BRPF1: variants seen among roughly 807,000 people sequenced by gnomAD.
The protein encoded by BRPF1 is bromodomain and PHD finger containing 1.
Under a neutral mutation model 115.0 loss-of-function variants are expected in BRPF1, and 15 were observed. That is an observed-to-expected ratio of 0.13 (90% CI 0.09 to 0.20). The LOEUF is 0.20. BRPF1 is among the 10% of genes least tolerant of loss of function. The pLI, the probability that BRPF1 is intolerant of heterozygous loss-of-function variation, is 1.00. For missense variants in BRPF1, 1,118 were observed against 1,638.3 expected (o/e 0.68, Z 5.48); for synonymous variants, 647 against 619.8 (o/e 1.04, Z -0.65).
At chr3:9,735,915 G>T (rs1477411467) in intron 2 of BRPF1, among the ~76,000 whole-genome samples, 1 of 152,022 alleles carries the variant, frequency 6.6e-6, no homozygotes, top group East Asian at 1.9e-4. Context: ...TACTTAGAAG[G>T]CCTGGTCTCT....
At position 9,734,288 on chromosome 3, in the gene BRPF1, C is replaced by T. The variant is rs1180783979; in HGVS notation, c.148C>T (p.Pro50Ser). The T allele has an allele frequency of 6.2e-7, 1 of 1,613,938 alleles. No homozygotes were observed. Among genetic ancestry groups the T allele is most frequent in the African/African-American group, 1.3e-5 (1 of 74,890 alleles). Residue 50 changes from proline (P) to serine (S), a missense_variant, in exon 2 of 14, where the codon CCA becomes TCA. By Grantham distance (74) the Pro-to-Ser change is moderately conservative. Around this residue, in one of 10 missense-constraint regions of BRPF1, gnomAD observed 280 missense variants for 382.8 expected, o/e 0.73. Coordinates refer to ENST00000383829, the MANE Select transcript of BRPF1 (RefSeq NM_001003694.2). This position sits in a 1 kb window ranked among gnomAD's most constrained non-coding sequence, Gnocchi z 5.7. ...CCTGTACCACTATGACCACGACAAC[C>T]CACCACCCCCACAACAAACTCCACT... Reference protein sequence around the residue: ...YHLYHYDHDNPPPPQQTPLRK... With the variant: ...YHLYHYDHDNSPPPQQTPLRK...
rs2077103884 is a variant in BRPF1, at chr3:9,745,284, G to T, written c.3068+129G>T. On this transcript the variant is annotated intron_variant, in intron 10 of 13. Transcript: ENST00000383829. The surrounding 1 kb of genome is among the most constrained non-coding windows in gnomAD (Gnocchi z 5.1). ...CTAGATTAAGATGGCTCAAACTCAAGGTTCTCTGCTAAATAAATAAATCAG... is the reference window on the plus strand; with the variant it reads ...CTAGATTAAGATGGCTCAAACTCAATGTTCTCTGCTAAATAAATAAATCAG... 1 of 1,151,940 alleles carries T rather than the reference G, an allele frequency of 8.7e-7. No individual in the cohort carries two copies. Among genetic ancestry groups the T allele is most frequent in the Non-Finnish European group, 1.2e-6 (1 of 829,730 alleles). The allele number at this position is 1,151,940 out of a possible 1,614,324, so 71.4% of individuals were successfully genotyped here.
Position 9,739,575 on chromosome 3 carries a change from G to A in BRPF1, c.1176G>A (p.Arg392=), listed in dbSNP as rs760603448. ...TCACCTGCTACATTTGCAAACAACG[G>A]GGCTCAGGGGCCTGCATCCAGTGCC... is the stretch of plus-strand genomic sequence containing the variant. ...WKLTCYICKQ[R]GSGACIQCHK... The change falls in exon 3 of 14, where the codon CGG becomes CGA. Residue 392 remains arginine, a synonymous_variant. Transcript: ENST00000383829. 2.5e-6 allele frequency: 4 copies of A among 1,612,462 alleles called. No individual in the cohort carries two copies. In the South Asian group the frequency reaches 3.3e-5, roughly 13 times the overall value.
At position 9,745,875 on chromosome 3, in the gene BRPF1, A is replaced by G. The variant is rs1455420044; in HGVS notation, c.3269A>G (p.Asp1090Gly). Residue 1090 changes from aspartate (D) to glycine (G), a missense_variant, in exon 12 of 14, where the codon GAT becomes GGT. Asp to Gly is a moderately conservative substitution (Grantham distance 94). Coordinates refer to ENST00000383829, the MANE Select transcript of BRPF1 (RefSeq NM_001003694.2). The surrounding 1 kb of genome is among the most constrained non-coding windows in gnomAD (Gnocchi z 5.1). ...WLSEDEDSPL[D>G]ALDLVWAKCR... ...TCAGAGGATGAGGACTCCCCGCTGGATGCTCTGGACCTCGTGTGGGCCAAA... is the reference window on the plus strand; with the variant it reads ...TCAGAGGATGAGGACTCCCCGCTGGGTGCTCTGGACCTCGTGTGGGCCAAA... 6.2e-7 allele frequency: 1 copy of G among 1,614,164 alleles called. No individual in the cohort carries two copies. Among genetic ancestry groups the G allele is most frequent in the South Asian group, 1.1e-5 (1 of 91,080 alleles).
At position 9,745,861 on chromosome 3, in the gene BRPF1, G is replaced by A; in HGVS notation, c.3255G>A (p.Glu1085=). ...GAGCTGGCTGGCTGTCAGAGGATGA[G>A]GACTCCCCGCTGGATGCTCTGGACC... The part of the protein sequence containing the change: ...GRGAGWLSED[E]DSPLDALDLV... The change falls in exon 12 of 14, where the codon GAG becomes GAA. Residue 1085 remains glutamate, a synonymous_variant. Transcript: ENST00000383829. The surrounding 1 kb of genome is among the most constrained non-coding windows in gnomAD (Gnocchi z 5.1). 6.2e-7 allele frequency: 1 copy of A among 1,614,166 alleles called. No individual in the cohort carries two copies. The highest frequency in any genetic ancestry group is 8.5e-7 in the Non-Finnish European group (1 of 1,180,036).
At chr3:9,737,356 T>A (rs1321048423) in intron 2 of BRPF1, among the ~76,000 whole-genome samples, 1 of 152,246 alleles carries the variant, frequency 6.6e-6, no homozygotes, top group Non-Finnish European at 1.5e-5. Flanking sequence ...TTAACATTTA[T>A]TGAGTGCTTG....
intron 6 of BRPF1, 92 bp from the exon 7 acceptor site, chr3:9,742,852 C>T (rs1382785995): frequency 1.2e-5 from 17 of 1,370,336 alleles, no homozygotes; most frequent in African/African-American, 2.9e-5. Flanking sequence ...GAGGAGGTTG[C>T]TGGATGTGTT....
chr3:9,745,040 C>G lies in BRPF1; in HGVS notation c.2953C>G (p.Gln985Glu). 1 of 1,614,236 alleles carries G rather than the reference C, an allele frequency of 6.2e-7. No individual in the cohort carries two copies. The highest frequency in any genetic ancestry group is 8.5e-7 in the Non-Finnish European group (1 of 1,180,052). Reference sequence around the variant, plus strand: ...AGCCAATGGCTTCAGCGGTGGAAACCAACCAGTGAAGAAGAGTTTCTTGGT... The same window carrying G: ...AGCCAATGGCTTCAGCGGTGGAAACGAACCAGTGAAGAAGAGTTTCTTGGT... Reference protein sequence around the residue: ...LPANGFSGGNQPVKKSFLVYR... With the variant: ...LPANGFSGGNEPVKKSFLVYR... The change falls in exon 10 of 14, where the codon CAA becomes GAA. Residue 985 changes from glutamine (Q) to glutamate (E), a missense_variant. Physicochemically the swap from Gln to Glu is conservative, Grantham distance 29. Coordinates refer to ENST00000383829, the MANE Select transcript of BRPF1 (RefSeq NM_001003694.2). The surrounding 1 kb of genome is among the most constrained non-coding windows in gnomAD (Gnocchi z 5.1).
In BRPF1 at chr3:9,740,293, T is replaced by C. The variant is rs73113539; in HGVS notation, c.1559+335T>C. Among the ~76,000 whole-genome samples, 402 of 152,132 alleles carry C rather than the reference T, an allele frequency of 2.6e-3. 1 individual carries two copies. Among genetic ancestry groups the C allele is most frequent in the African/African-American group, 9.0e-3 (374 of 41,494 alleles). ...AATGGTCTGAATATGAAGAAACAAA[T>C]AGAATGAAAAGCGGGGAAGGGGAAG... On this transcript the variant is annotated intron_variant, in intron 3 of 13. Coordinates refer to ENST00000383829, the MANE Select transcript of BRPF1 (RefSeq NM_001003694.2).
intron 8 of BRPF1, 141 bp downstream of exon 8, chr3:9,744,042 C>T (rs1486332630): frequency 1.4e-5 from 18 of 1,282,600 alleles, no homozygotes; most frequent in Non-Finnish European, 1.9e-5. Context: ...CAATCAGGGG[C>T]CTCTTAGCTG....
Position 9,747,077 on chromosome 3 carries a change from C to G in BRPF1, c.3480-89C>G, listed in dbSNP as rs1413788705. Reference sequence around the variant, plus strand: ...TCACAGAGTCTGGCCAGAGTGGGTGCTTGGGTGGTGTGTTTGAGTGAATAG... The same window carrying G: ...TCACAGAGTCTGGCCAGAGTGGGTGGTTGGGTGGTGTGTTTGAGTGAATAG... On this transcript the variant is annotated intron_variant, in intron 13 of 13. Transcript: ENST00000383829. The surrounding 1 kb of genome is among the most constrained non-coding windows in gnomAD (Gnocchi z 5.6). 6 of 1,456,548 alleles carry G rather than the reference C, an allele frequency of 4.1e-6. No homozygotes were observed. The highest frequency in any genetic ancestry group is 5.7e-6 in the Non-Finnish European group (6 of 1,052,084). 90.2% of individuals were successfully genotyped at this position (1,456,548 alleles called of 1,614,324 possible).
chr3:9,734,086 A>G lies in BRPF1; in HGVS notation c.-10-45A>G, dbSNP rs2076898977. 9 of 1,529,412 alleles carry G rather than the reference A, an allele frequency of 5.9e-6. No individual in the cohort carries two copies. The highest frequency in any genetic ancestry group is 7.0e-6 in the Non-Finnish European group (8 of 1,138,704). 94.7% of individuals were successfully genotyped at this position (1,529,412 alleles called of 1,614,324 possible). On this transcript the variant is annotated intron_variant, in intron 1 of 13. Coordinates refer to ENST00000383829, the MANE Select transcript of BRPF1 (RefSeq NM_001003694.2). The surrounding 1 kb of genome is among the most constrained non-coding windows in gnomAD (Gnocchi z 5.7). ...ACTGGGGTCTCTGGTGCAAATGGCC[A>G]GGAACTCATCCCCAGCCTTATGTTA...
intron 8 of BRPF1, 132 bp from the exon 9 acceptor site, chr3:9,744,092 C>T (rs2077080164): frequency 7.5e-7 from 1 of 1,326,642 alleles, no homozygotes; most frequent in African/African-American, 1.5e-5. Context: ...CTTCCAAATT[C>T]CAAGCCCCTA....
Position 9,743,897 on chromosome 3 carries a change from C to T in BRPF1, c.2631C>T (p.Ser877=), listed in dbSNP as rs1386939126. The T allele has an allele frequency of 6.4e-7, 1 of 1,566,668 alleles. No individual in the cohort carries two copies. Among genetic ancestry groups the T allele is most frequent in the Non-Finnish European group, 8.7e-7 (1 of 1,151,714 alleles). ...AGGAGAGCAGCAGCCAGGAGACAAGCAAAGGTCTGAATCCCATGGCAAGGT... is the reference window on the plus strand; with the variant it reads ...AGGAGAGCAGCAGCCAGGAGACAAGTAAAGGTCTGAATCCCATGGCAAGGT... The part of the protein sequence containing the change: ...AAEESSSQET[S]KGLGPNMSST... Residue 877 remains serine, a synonymous_variant, in exon 8 of 14, where the codon AGC becomes AGT. Coordinates refer to ENST00000383829, the MANE Select transcript of BRPF1 (RefSeq NM_001003694.2). The surrounding 1 kb of genome is among the most constrained non-coding windows in gnomAD (Gnocchi z 6.1).
In BRPF1 at chr3:9,743,856, A is replaced by G. The variant is rs369323422; in HGVS notation, c.2590A>G (p.Thr864Ala). ...GGCAGCCTGTGACAAGGATGGGCAG[A>G]CAGATAGTGCGGCAGAGGAGAGCAG... ...HPAACDKDGQ[T>A]DSAAEESSSQ... is the part of the protein sequence containing the mutation. Residue 864 changes from threonine to alanine, a missense_variant, in exon 8 of 14, where the codon ACA (threonine) becomes GCA (alanine). Around this residue, in one of 10 missense-constraint regions of BRPF1, gnomAD observed 223 missense variants for 240.7 expected, o/e 0.93. Coordinates refer to ENST00000383829, the MANE Select transcript of BRPF1 (RefSeq NM_001003694.2). This position sits in a 1 kb window ranked among gnomAD's most constrained non-coding sequence, Gnocchi z 6.1. 2.5e-6 allele frequency: 4 copies of G among 1,603,116 alleles called. No homozygotes were observed. Among genetic ancestry groups the G allele is most frequent in the Non-Finnish European group, 3.4e-6 (4 of 1,171,912 alleles).
At chr3:9,736,017 T>A (rs2076934215) in intron 2 of BRPF1, among the ~76,000 whole-genome samples, 1 of 62,816 alleles carries the variant, frequency 1.6e-5, no homozygotes, top group Admixed American at 1.5e-4. Context: ...TTTTTTTTTT[T>A]TTTTTTTTTT....
At position 9,745,684 on chromosome 3, in the gene BRPF1, C is replaced by T. The variant is rs1481126828; in HGVS notation, c.3180C>T (p.Gly1060=). 7.4e-6 allele frequency: 12 copies of T among 1,614,126 alleles called. No homozygotes were observed. The highest frequency in any genetic ancestry group is 9.3e-6 in the Non-Finnish European group (11 of 1,180,036). ...CTGAGAATGAGGCCTACTCCGTGGG[C>T]ACTGGCCGCGGCGTGGGCCACAGCA... ...SGTENEAYSV[G]TGRGVGHSMV... Residue 1060 remains glycine (G), a synonymous_variant, in exon 11 of 14, where the codon GGC becomes GGT. Coordinates refer to ENST00000383829, the MANE Select transcript of BRPF1 (RefSeq NM_001003694.2). The surrounding 1 kb of genome is among the most constrained non-coding windows in gnomAD (Gnocchi z 5.1).
chr3:9,746,763 A>C (rs1399765792), intron 13 of BRPF1, among the ~76,000 whole-genome samples: 1 of 152,004 alleles, frequency 6.6e-6, no homozygotes, highest in Non-Finnish European at 1.5e-5. Flanking sequence ...CTGCCTCCAC[A>C]GTGACAAAAT....
Position 9,739,417 on chromosome 3 carries a change from T to A in BRPF1, c.1018T>A (p.Phe340Ile). The A allele has an allele frequency of 6.2e-7, 1 of 1,614,184 alleles. No individual in the cohort carries two copies. Among genetic ancestry groups the A allele is most frequent in the Non-Finnish European group, 8.5e-7 (1 of 1,180,026 alleles). Residue 340 changes from phenylalanine to isoleucine, a missense_variant, in exon 3 of 14, where the codon TTC (phenylalanine) becomes ATC (isoleucine). Phe to Ile is a conservative substitution (Grantham distance 21). Coordinates refer to ENST00000383829, the MANE Select transcript of BRPF1 (RefSeq NM_001003694.2). ...CALCPNKGGAFKQTDDGRWAH... is the reference protein window; with the variant it reads ...CALCPNKGGAIKQTDDGRWAH... ...CCTGTGCCCCAACAAGGGCGGTGCC[T>A]TCAAGCAGACAGATGACGGGCGCTG...
Sources: gnomAD v4.1 joint callset for allele counts (sites outside exome capture counted in the v4.1 genomes callset) on GRCh38, gnomAD v4.1.1 for gene constraint, gnomAD v4.1.1 regional missense constraint, Gnocchi (gnomAD v3.1) non-coding constraint, MANE v1.5 for transcripts, NCBI Gene and HGNC (gene_info 2026-07-23, HGNC 2026-07-21) for gene names.